XYLB: variants seen among roughly 807,000 people sequenced by gnomAD.
XYLB encodes xylulokinase.
Under a neutral mutation model 78.7 loss-of-function variants are expected in XYLB, and 62 were observed. The ratio of observed to expected loss-of-function variants is 0.79; its 90% confidence interval spans 0.64 to 0.97. The LOEUF (loss-of-function observed/expected upper bound fraction) is 0.97. Among genes scored for constraint, XYLB ranks in the 50% least tolerant of loss-of-function variants. XYLB has a pLI of 0.00. For missense variants in XYLB, 687 were observed against 676.8 expected (o/e 1.02, Z -0.17); for synonymous variants, 245 against 247.4 (o/e 0.99, Z 0.09).
intron 18 of XYLB, among the ~76,000 whole-genome samples, chr3:38,410,832 T>TA (rs752852139): frequency 5.7e-4 from 87 of 151,760 alleles, no homozygotes; most frequent in Non-Finnish European, 1.1e-3. Flanking sequence ...CACAATGAGA[T>TA]ACCATCTCAC....
chr3:38,363,137 A>C, intron 4 of XYLB, 120 bp downstream of exon 4: 2 of 676,168 alleles, frequency 3.0e-6, no homozygotes, highest in Non-Finnish European at 4.4e-6. Context: ...GCCACTGCAC[A>C]AATTTCACTG....
chr3:38,405,232 C>A (rs1378382211), intron 18 of XYLB, among the ~76,000 whole-genome samples: 1 of 151,790 alleles, frequency 6.6e-6, no homozygotes, highest in African/African-American at 2.4e-5. Context: ...TTTTTAATGA[C>A]TGTATAATAT....
chr3:38,367,739 T>C (rs948785942), intron 7 of XYLB, among the ~76,000 whole-genome samples: 1 of 152,180 alleles, frequency 6.6e-6, no homozygotes, highest in Non-Finnish European at 1.5e-5. Context: ...GGTCTGTGGC[T>C]TCTGAGGAGC....
intron 6 of XYLB, among the ~76,000 whole-genome samples, chr3:38,366,115 AAAAAAAAAAAAGG>A (rs1231567892): frequency 4.7e-4 from 71 of 152,020 alleles, no homozygotes; most frequent in African/African-American, 1.6e-3. Context: ...AATGTTAAAA[AAAAAAAAAAAAGG>A]AAAAAAAATA....
chr3:38,379,487 G>T (rs1559596498), intron 15 of XYLB, 145 bp downstream of exon 15: 7 of 739,916 alleles, frequency 9.5e-6, no homozygotes, highest in Non-Finnish European at 1.4e-5. Context: ...TGACCTCAGG[G>T]ATGGGGTGAG....
intron 2 of XYLB, chr3:38,355,729 T>C (rs1185708296): frequency 2.8e-6 from 2 of 703,472 alleles, no homozygotes; most frequent in African/African-American, 3.5e-5. Context: ...TTTTGGCTGA[T>C]GTGGGTGTCC....
At chr3:38,437,071 T>G in the XYLB span, among the ~76,000 whole-genome samples, 1 of 149,824 alleles carries the variant, frequency 6.7e-6, no homozygotes, top group African/African-American at 2.4e-5. Context: ...AACCCCACCA[T>G]AATCAAGTGG....
Position 38,348,687 on chromosome 3 carries a change from C to T in XYLB, c.140+55C>T, listed in dbSNP as rs1705200230. On this transcript the variant is annotated intron_variant, in intron 2 of 18. Coordinates refer to ENST00000207870, the MANE Select transcript of XYLB (RefSeq NM_005108.4). ...TGGGGGTGTTGGTTTTGGGGTCCTC[C>T]CGCAAACTTTTGTATTCGCAGACCG... 6 of 1,562,976 alleles carry T rather than the reference C, an allele frequency of 3.8e-6. No individual in the cohort carries two copies. The Admixed American group carries it at 6.7e-5, about 17-fold the overall frequency.
At chr3:38,427,179 A>G in the XYLB span, among the ~76,000 whole-genome samples, 1 of 152,120 alleles carries the variant, frequency 6.6e-6, no homozygotes, top group Non-Finnish European at 1.5e-5. Context: ...TCCCCACTTT[A>G]TACTGTATTC....
chr3:38,376,659 G>A (rs182995841), intron 13 of XYLB, among the ~76,000 whole-genome samples: 86 of 152,276 alleles, frequency 5.6e-4, no homozygotes, highest in Admixed American at 1.2e-3. Context: ...AGGATTGGCT[G>A]GGCAGCTGCT....
chr3:38,387,321 T>TC (rs1469003939), intron 15 of XYLB, among the ~76,000 whole-genome samples: 3 of 152,054 alleles, frequency 2.0e-5, no homozygotes, highest in Admixed American at 6.6e-5. Flanking sequence ...TTTTTTTTTT[T>TC]TCTCTCTCTC....
intron 7 of XYLB, 105 bp from the exon 8 acceptor site, chr3:38,368,080 C>T: frequency 9.2e-7 from 1 of 1,087,932 alleles, no homozygotes; most frequent in Non-Finnish European, 1.4e-6. Flanking sequence ...TCAAAGTTTC[C>T]ACTTCCCTCT....
chr3:38,430,429 A>T, the XYLB span, among the ~76,000 whole-genome samples: 1 of 152,018 alleles, frequency 6.6e-6, no homozygotes, highest in East Asian at 1.9e-4. Flanking sequence ...AAATTTGTTT[A>T]AGTTCTTTGT....
chr3:38,370,525 A>T (rs759605532), intron 9 of XYLB, among the ~76,000 whole-genome samples: 2 of 152,196 alleles, frequency 1.3e-5, no homozygotes, highest in Non-Finnish European at 1.5e-5. Flanking sequence ...ATGAAGCTTG[A>T]AGGAGGCAGC....
At chr3:38,429,908 A>G in the XYLB span, among the ~76,000 whole-genome samples, 4 of 152,292 alleles carry the variant, frequency 2.6e-5, no homozygotes, top group East Asian at 7.7e-4. Context: ...ATGGCTGCAT[A>G]GTATTTCATG....
intron 18 of XYLB, among the ~76,000 whole-genome samples, chr3:38,406,263 A>G (rs1180702737): frequency 1.3e-5 from 2 of 152,246 alleles, no homozygotes; most frequent in Non-Finnish European, 2.9e-5. Flanking sequence ...CACTGCTGAT[A>G]CCCAGGCAAA....
chr3:38,412,055 A>G lies in XYLB; in HGVS notation c.1534-881A>G, dbSNP rs543480254. Among the ~76,000 whole-genome samples the G allele has an allele frequency of 5.3e-5, 8 of 150,322 alleles. No individual in the cohort carries two copies. The East Asian group carries it at 7.8e-4, about 15-fold the overall frequency. ...ACCCAGGCTGGAGTGCAGTGGTGCA[A>G]TCTTGGCTCACTGCAACCCCCGGCT... On this transcript the variant is annotated intron_variant, in intron 18 of 18. Coordinates refer to ENST00000207870, the MANE Select transcript of XYLB (RefSeq NM_005108.4).
chr3:38,403,536 G>T (rs1708198875), intron 18 of XYLB, among the ~76,000 whole-genome samples: 1 of 152,110 alleles, frequency 6.6e-6, no homozygotes, highest in Non-Finnish European at 1.5e-5. Flanking sequence ...GGGATCAGAA[G>T]GTGACATTGG....
chr3:38,429,945 C>A, the XYLB span, among the ~76,000 whole-genome samples: 1 of 152,278 alleles, frequency 6.6e-6, no homozygotes, highest in African/African-American at 2.4e-5. Context: ...TTTTCTTAAT[C>A]CAGTCTATCA....
Sources: gnomAD v4.1 joint callset for allele counts (sites outside exome capture counted in the v4.1 genomes callset) on GRCh38, gnomAD v4.1.1 for gene constraint, MANE v1.5 for transcripts, NCBI Gene and HGNC (gene_info 2026-07-23, HGNC 2026-07-21) for gene names.